DOCK1: variants seen among roughly 807,000 people sequenced by gnomAD.
The protein encoded by DOCK1 is dedicator of cytokinesis 1.
A neutral mutation model predicts 262.7 loss-of-function variants in DOCK1; 138 were observed. The observed-to-expected ratio is 0.53, with a 90% confidence interval of 0.46 to 0.61. DOCK1 has a LOEUF of 0.61. Ranked by LOEUF, DOCK1 falls within the 20% of genes least tolerant of loss-of-function variation. The pLI is 0.00. For synonymous variants in DOCK1, 866 were observed against 867.4 expected (o/e 1.00, Z 0.03); for missense variants, 1,908 against 2,370.7 (o/e 0.80, Z 4.05).
intron 27 of DOCK1, among the ~76,000 whole-genome samples, chr10:127,151,251 C>T (rs920135470): frequency 6.6e-6 from 1 of 152,144 alleles, no homozygotes; most frequent in Non-Finnish European, 1.5e-5. Context: ...AGTCACAGTG[C>T]AGTCTTTATT....
intron 1 of DOCK1, among the ~76,000 whole-genome samples, chr10:126,927,695 C>T (rs2033859811): frequency 1.3e-5 from 2 of 152,156 alleles, no homozygotes; most frequent in Admixed American, 1.3e-4. Context: ...CCTCGGCCTC[C>T]CAAAGTGCTG....
chr10:127,386,400 G>A (rs201685347), intron 38 of DOCK1, among the ~76,000 whole-genome samples: 3 of 6,864 alleles, frequency 4.4e-4, no homozygotes, highest in African/African-American at 2.8e-3. Context: ...GGTGAGCAAC[G>A]GGTGAGCAAG....
At chr10:126,952,607 A>T (rs1313951910) in intron 1 of DOCK1, among the ~76,000 whole-genome samples, 1 of 145,386 alleles carries the variant, frequency 6.9e-6, no homozygotes, top group African/African-American at 2.6e-5. Flanking sequence ...TGGTGATGTT[A>T]TTCTTGGTAG....
chr10:127,336,772 C>T (rs553471003), intron 29 of DOCK1, among the ~76,000 whole-genome samples: 5,486 of 152,246 alleles, frequency 0.036, 126 homozygotes, highest in Middle Eastern at 0.072. Context: ...ATCTCCTGAC[C>T]TCGTGATTCA....
Position 127,451,388 on chromosome 10 carries a change from T to A in DOCK1, c.5622T>A (p.Thr1874=), listed in dbSNP as rs1206639862. 15 of 1,598,842 alleles carry A rather than the reference T, an allele frequency of 9.4e-6. No homozygotes were observed. In the South Asian group the frequency reaches 1.7e-4, roughly 18 times the overall value. Residue 1874 remains threonine, a synonymous_variant, in exon 52 of 52, where the codon ACT becomes ACA. Transcript: ENST00000623213. ...KTPPPPPPKT[T]RKQASVDSGI... ...CGCCTCCTCCCCCTCCAAAGACAAC[T>A]CGCAAGCAGGCATCGGTGGACTCCG...
intron 29 of DOCK1, among the ~76,000 whole-genome samples, chr10:127,323,405 G>T (rs2062621911): frequency 1.3e-5 from 2 of 152,188 alleles, no homozygotes; most frequent in African/African-American, 4.8e-5. Context: ...TGAGCAAAGT[G>T]CTTGTGGTTC....
intron 21 of DOCK1, among the ~76,000 whole-genome samples, chr10:127,049,859 A>G (rs2044596821): frequency 6.6e-6 from 1 of 152,164 alleles, no homozygotes; most frequent in Non-Finnish European, 1.5e-5. Flanking sequence ...GCATAAGGAC[A>G]GACAAAAAGT....
intron 36 of DOCK1, 51 bp downstream of exon 36, chr10:127,380,173 G>A (rs1026486986): frequency 1.5e-6 from 2 of 1,325,034 alleles, no homozygotes; most frequent in African/African-American, 1.5e-5. Context: ...AATAATATAT[G>A]TTGTATGTTT....
At chr10:127,421,626 A>T (rs1038663708) in intron 46 of DOCK1, among the ~76,000 whole-genome samples, 1 of 151,952 alleles carries the variant, frequency 6.6e-6, no homozygotes, top group African/African-American at 2.4e-5. Context: ...CGACTTCCCC[A>T]TTCCTCCCTC....
chr10:126,996,304 C>G (rs565299680), intron 6 of DOCK1, among the ~76,000 whole-genome samples: 1 of 146,556 alleles, frequency 6.8e-6, no homozygotes, highest in Non-Finnish European at 1.5e-5. Context: ...TGCTTGAACC[C>G]GGGAGATGGA....
chr10:127,207,520 A>G (rs2057778836), intron 27 of DOCK1, among the ~76,000 whole-genome samples: 1 of 152,222 alleles, frequency 6.6e-6, no homozygotes, highest in Non-Finnish European at 1.5e-5. Flanking sequence ...TTCCCAGGAA[A>G]ATGGGAGAGT....
At chr10:127,295,683 TAA>T (rs34549951) in intron 29 of DOCK1, among the ~76,000 whole-genome samples, 12 of 136,008 alleles carry the variant, frequency 8.8e-5, no homozygotes, top group Admixed American at 1.5e-4. Context: ...CCCACCCCGA[TAA>T]AAAAAAAAAA....
At chr10:127,192,893 A>C (rs1023616095) in intron 27 of DOCK1, among the ~76,000 whole-genome samples, 6 of 152,212 alleles carry the variant, frequency 3.9e-5, no homozygotes, top group Admixed American at 2.6e-4. Flanking sequence ...TTAATGTATA[A>C]GAACAATGTA....
chr10:126,938,086 G>A (rs1312577365), intron 1 of DOCK1, among the ~76,000 whole-genome samples: 3 of 145,940 alleles, frequency 2.1e-5, no homozygotes, highest in Non-Finnish European at 3.0e-5. Flanking sequence ...CACTCTTTTC[G>A]CCCAGGCTGG....
intron 23 of DOCK1, among the ~76,000 whole-genome samples, chr10:127,074,897 C>T (rs935219655): frequency 6.6e-6 from 1 of 152,070 alleles, no homozygotes; most frequent in African/African-American, 2.4e-5. Context: ...TGCGGTGGCT[C>T]ACACCTGTAG....
intron 27 of DOCK1, among the ~76,000 whole-genome samples, chr10:127,233,850 T>A (rs1026314133): frequency 1.3e-5 from 2 of 152,236 alleles, no homozygotes; most frequent in Non-Finnish European, 2.9e-5. Flanking sequence ...CTTCCCTTCT[T>A]AGTAAAAATG....
Position 127,447,451 on chromosome 10 carries a change from C to G in DOCK1, c.5471C>G (p.Pro1824Arg). Residue 1824 changes from proline (P) to arginine (R), a missense_variant, in exon 51 of 52, where the codon CCT (proline) becomes CGT (arginine). This residue lies in a region of DOCK1 where 383 missense variants were observed against 420.1 expected (regional missense o/e 0.91). Coordinates refer to ENST00000623213, the MANE Select transcript of DOCK1 (RefSeq NM_001290223.2). Reference protein sequence around the residue: ...ADVADVPPPLPLKGSVADYGN... With the variant: ...ADVADVPPPLRLKGSVADYGN... ...GTGGCCGATGTCCCACCCCCTCTGC[C>G]TCTCAAAGGCAGCGTGGCAGATTAC... is the stretch of plus-strand genomic sequence containing the variant. 1 of 1,613,624 alleles carries G rather than the reference C, an allele frequency of 6.2e-7. No homozygotes were observed. The highest frequency in any genetic ancestry group is 8.5e-7 in the Non-Finnish European group (1 of 1,179,724).
chr10:127,138,659 A>G (rs2050922847), intron 27 of DOCK1, among the ~76,000 whole-genome samples: 2 of 152,192 alleles, frequency 1.3e-5, no homozygotes, highest in Admixed American at 1.3e-4. Context: ...CTTTGGGAGA[A>G]GCGTGGGGAG....
chr10:127,322,402 C>G (rs1233543370), intron 29 of DOCK1, among the ~76,000 whole-genome samples: 4 of 148,978 alleles, frequency 2.7e-5, no homozygotes, highest in African/African-American at 1.0e-4. Context: ...GTTAGCCAGG[C>G]TGATCTCAAA....
Sources: allele counts gnomAD v4.1 joint callset (sites outside exome capture counted in the v4.1 genomes callset), GRCh38; gene constraint gnomAD v4.1.1; regional missense constraint gnomAD v4.1.1; transcripts MANE v1.5; gene names NCBI Gene and HGNC (gene_info 2026-07-23, HGNC 2026-07-21).